The following MSTO1 variants were observed in gnomAD, a reference collection of about 807,000 sequenced individuals.
MSTO1 encodes the protein protein misato homolog 1.
A neutral mutation model predicts 55.7 loss-of-function variants in MSTO1; 24 were observed. The observed-to-expected ratio is 0.43, with a 90% CI of 0.31 to 0.61. The LOEUF is 0.61. Among genes scored for constraint, MSTO1 ranks in the 20% least tolerant of loss-of-function variants. MSTO1 has a pLI of 0.09. For synonymous variants in MSTO1, 162 were observed against 252.8 expected (o/e 0.64, Z 3.41); for missense variants, 363 against 625.7 (o/e 0.58, Z 4.48).
intron 2 of MSTO1, 105 bp from the exon 3 acceptor site, chr1:155,610,933 CT>C (rs1673779705): frequency 2.5e-6 from 1 of 402,206 alleles, no homozygotes; most frequent in Non-Finnish European, 4.4e-6. Context: ...GAGCCAAGTG[CT>C]GGAGAGATGG....
chr1:155,568,093 T>TA, the MSTO1 span, among the ~76,000 whole-genome samples: 4 of 148,028 alleles, frequency 2.7e-5, no homozygotes, highest in South Asian at 2.2e-4. Context: ...TATTTTATTT[T>TA]TTTTGAGACG....
chr1:155,580,628 A>C, the MSTO1 span, among the ~76,000 whole-genome samples: 1 of 152,086 alleles, frequency 6.6e-6, no homozygotes, highest in Non-Finnish European at 1.5e-5. Context: ...GTTTAAAGAA[A>C]GATAATTTGG....
chr1:155,591,342 G>T, the MSTO1 span: 2 of 1,102,204 alleles, frequency 1.8e-6, no homozygotes, highest in South Asian at 1.6e-5. Flanking sequence ...TAACCATCAC[G>T]GTGATCTTCT....
At chr1:155,590,538 G>C in the MSTO1 span, 1 of 791,414 alleles carries the variant, frequency 1.3e-6, no homozygotes, top group South Asian at 2.0e-5. Flanking sequence ...CCATCCCAAA[G>C]CTGTTGGGCA....
chr1:155,582,183 G>A, the MSTO1 span, among the ~76,000 whole-genome samples: 4 of 151,886 alleles, frequency 2.6e-5, no homozygotes, highest in African/African-American at 4.8e-5. Context: ...GAGCCACCAC[G>A]CCCGGCCAAC....
chr1:155,593,220 T>C, the MSTO1 span, among the ~76,000 whole-genome samples: 1 of 152,182 alleles, frequency 6.6e-6, no homozygotes, highest in South Asian at 2.1e-4. Context: ...GGCCTACTGT[T>C]CTTAGTGGAT....
the MSTO1 span, among the ~76,000 whole-genome samples, chr1:155,570,922 C>A: frequency 2.6e-5 from 4 of 152,176 alleles, no homozygotes; most frequent in Non-Finnish European, 1.5e-5. Flanking sequence ...AGAGCTAATG[C>A]AGCTTTAAAA....
At chr1:155,595,078 C>T in the MSTO1 span, among the ~76,000 whole-genome samples, 1 of 146,602 alleles carries the variant, frequency 6.8e-6, no homozygotes, top group African/African-American at 2.5e-5. Flanking sequence ...GCAGAGGGTG[C>T]AGTGAGCCAA....
chr1:155,567,940 AGGCAGGAGCATC>A, the MSTO1 span, among the ~76,000 whole-genome samples: 1 of 151,686 alleles, frequency 6.6e-6, no homozygotes, highest in African/African-American at 2.4e-5. Context: ...TGGGAGGCTG[AGGCAGGAGCATC>A]ACTTGAACCC....
the MSTO1 span, among the ~76,000 whole-genome samples, chr1:155,593,641 G>C: frequency 6.6e-6 from 1 of 152,194 alleles, no homozygotes; most frequent in Non-Finnish European, 1.5e-5. Flanking sequence ...TCAGTTAACA[G>C]TAGGCATGAG....
the MSTO1 span, among the ~76,000 whole-genome samples, chr1:155,567,610 A>G: frequency 8.6e-4 from 130 of 152,020 alleles, 1 homozygote; most frequent in African/African-American, 3.0e-3. Flanking sequence ...TAATTTTTGT[A>G]TTTTTAATAG....
the MSTO1 span, among the ~76,000 whole-genome samples, chr1:155,596,338 T>C: frequency 6.6e-6 from 1 of 152,220 alleles, no homozygotes; most frequent in African/African-American, 2.4e-5. Context: ...GACTGGAGCA[T>C]CTCTATACAC....
chr1:155,609,217 G>GTA (rs777579171), upstream of MSTO1, among the ~76,000 whole-genome samples: 327 of 84,488 alleles, frequency 3.9e-3, 11 homozygotes, highest in African/African-American at 0.012. Flanking sequence ...ATTATCAGCA[G>GTA]TATATATATA....
At chr1:155,573,166 A>C in the MSTO1 span, among the ~76,000 whole-genome samples, 22 of 152,162 alleles carry the variant, frequency 1.4e-4, no homozygotes, top group Admixed American at 1.4e-3. Context: ...TCTTGGCTGC[A>C]CATTGGAATA....
chr1:155,598,699 A>AGTCTG, the MSTO1 span: 1 of 445,768 alleles, frequency 2.2e-6, no homozygotes, highest in African/African-American at 2.1e-5. Flanking sequence ...TCCAGCCTGG[A>AGTCTG]GAACAGAGCG....
At chr1:155,567,398 G>A in the MSTO1 span, among the ~76,000 whole-genome samples, 1 of 148,046 alleles carries the variant, frequency 6.8e-6, no homozygotes, top group Non-Finnish European at 1.5e-5. Flanking sequence ...TGCAAGCTCC[G>A]CCTAACGGGT....
the MSTO1 span, among the ~76,000 whole-genome samples, chr1:155,581,247 G>A: frequency 6.6e-6 from 1 of 152,016 alleles, no homozygotes; most frequent in Non-Finnish European, 1.5e-5. Context: ...TTATAGGTGT[G>A]AGTCACCTCA....
At chr1:155,567,941 G>A in the MSTO1 span, among the ~76,000 whole-genome samples, 1 of 151,718 alleles carries the variant, frequency 6.6e-6, no homozygotes, top group East Asian at 2.0e-4. Flanking sequence ...GGGAGGCTGA[G>A]GCAGGAGCAT....
At chr1:155,585,402 AG>A in the MSTO1 span, among the ~76,000 whole-genome samples, 1 of 152,016 alleles carries the variant, frequency 6.6e-6, no homozygotes, top group East Asian at 1.9e-4. Context: ...GGGCACCTAT[AG>A]TTCCAGCTGC....
Sources: allele counts gnomAD v4.1 joint callset (sites outside exome capture counted in the v4.1 genomes callset), GRCh38; gene constraint gnomAD v4.1.1; transcripts MANE v1.5; gene names NCBI Gene and HGNC (gene_info 2026-07-23, HGNC 2026-07-21).